The following RALYL variants were observed in gnomAD, a reference collection of about 807,000 sequenced individuals.
RALYL encodes RALY RNA binding protein like.
RALYL carries 29 observed loss-of-function variants against 35.1 expected under a neutral mutation model. The ratio of observed to expected loss-of-function variants is 0.83; its 90% CI spans 0.61 to 1.13. The LOEUF is 1.13. Among genes scored for constraint, RALYL ranks in the 50% most tolerant of loss-of-function variants. The pLI is 0.00. For synonymous variants in RALYL, 120 were observed against 127.6 expected, an observed-to-expected ratio of 0.94 and a Z score of 0.40; for missense variants, 359 against 360.4, an observed-to-expected ratio of 1.00 and a Z score of 0.03.
intron 1 of RALYL, among the ~76,000 whole-genome samples, chr8:84,437,584 G>T (rs2047880422): frequency 6.6e-6 from 1 of 152,018 alleles, no homozygotes; most frequent in Non-Finnish European, 1.5e-5. Flanking sequence ...TTGTGGTTTT[G>T]ATGTGCATTT....
intron 7 of RALYL, among the ~76,000 whole-genome samples, chr8:84,874,352 G>C (rs1004855253): frequency 5.3e-5 from 8 of 152,084 alleles, no homozygotes; most frequent in African/African-American, 9.7e-5. Flanking sequence ...GAAAACAAAG[G>C]CTCAGGAAAG....
intron 2 of RALYL, among the ~76,000 whole-genome samples, chr8:84,699,021 G>A (rs1157506729): frequency 6.6e-6 from 1 of 151,310 alleles, no homozygotes; most frequent in African/African-American, 2.4e-5. Context: ...TAGATAGATA[G>A]ATAGATAGAT....
In RALYL at chr8:84,842,856, G is replaced by A. The variant is rs186311489; in HGVS notation, c.366-7124G>A. Among the ~76,000 whole-genome samples the A allele has an allele frequency of 4.6e-5, 7 of 152,118 alleles. No individual in the cohort carries two copies. The South Asian group carries it at 6.2e-4, about 14-fold the overall frequency. On this transcript the variant is annotated intron_variant, in intron 4 of 8. Transcript: ENST00000521268. ...CGTTATCCAGCATATAAACAGAACCGATGGCAAAAACCTCATGATTATCTC... is the reference window on the plus strand; with the variant it reads ...CGTTATCCAGCATATAAACAGAACCAATGGCAAAAACCTCATGATTATCTC...
intron 2 of RALYL, among the ~76,000 whole-genome samples, chr8:84,622,590 T>A (rs1821785725): frequency 6.6e-6 from 1 of 151,820 alleles, no homozygotes; most frequent in Non-Finnish European, 1.5e-5. Context: ...CTCCACAGAG[T>A]CGAGGGGCAT....
At position 84,282,593 on chromosome 8, in the gene RALYL, C is replaced by G. The variant is rs554036900; in HGVS notation, c.-24+98169C>G. Among the ~76,000 whole-genome samples, 13 of 151,938 alleles carry G rather than the reference C, an allele frequency of 8.6e-5. No homozygotes were observed. In the South Asian group the frequency reaches 2.5e-3, roughly 29 times the overall value. ...AGACCCAGCCAAAATTTTGCAAGGTCCTGTTTATTCATTTGTTCTGCCCTT... is the reference window on the plus strand; with the variant it reads ...AGACCCAGCCAAAATTTTGCAAGGTGCTGTTTATTCATTTGTTCTGCCCTT... On this transcript the variant is annotated intron_variant, in intron 1 of 8. Coordinates refer to ENST00000521268, the MANE Select transcript of RALYL (RefSeq NM_173848.7).
intron 2 of RALYL, among the ~76,000 whole-genome samples, chr8:84,666,196 T>C (rs1423766304): frequency 2.0e-5 from 3 of 152,080 alleles, no homozygotes; most frequent in East Asian, 1.9e-4. Context: ...CACCATAACA[T>C]ATTTTTCATT....
chr8:84,211,587 C>T (rs1171834127), intron 1 of RALYL, among the ~76,000 whole-genome samples: 1 of 152,088 alleles, frequency 6.6e-6, no homozygotes, highest in Admixed American at 6.6e-5. Flanking sequence ...GTAAGAAGCT[C>T]TCTGTTCTAT....
intron 1 of RALYL, among the ~76,000 whole-genome samples, chr8:84,220,903 A>C (rs1382830307): frequency 6.6e-6 from 1 of 151,958 alleles, no homozygotes. Flanking sequence ...ATCTTAGTAA[A>C]CCTCACCAAA....
chr8:84,657,781 A>C (rs1830226593), intron 2 of RALYL, among the ~76,000 whole-genome samples: 1 of 152,204 alleles, frequency 6.6e-6, no homozygotes, highest in African/African-American at 2.4e-5. Context: ...ATGTTGCAAC[A>C]GGGCTACAGA....
intron 1 of RALYL, among the ~76,000 whole-genome samples, chr8:84,512,919 G>C (rs2057744385): frequency 6.6e-6 from 1 of 151,908 alleles, no homozygotes; most frequent in African/African-American, 2.4e-5. Context: ...ATGCTGTTTT[G>C]GTTATCATAG....
chr8:84,476,043 G>A (rs893485368), intron 1 of RALYL, among the ~76,000 whole-genome samples: 1 of 152,116 alleles, frequency 6.6e-6, no homozygotes, highest in African/African-American at 2.4e-5. Context: ...GGGATAAAAT[G>A]GTGAATGAAA....
At chr8:84,458,573 T>C (rs1031052991) in intron 1 of RALYL, among the ~76,000 whole-genome samples, 2 of 151,758 alleles carry the variant, frequency 1.3e-5, no homozygotes, top group Non-Finnish European at 3.0e-5. Flanking sequence ...CTTTCCTTTC[T>C]TTCTTCTTGA....
chr8:84,900,551 T>C (rs1245187426), intron 8 of RALYL, among the ~76,000 whole-genome samples: 2 of 152,002 alleles, frequency 1.3e-5, no homozygotes, highest in Non-Finnish European at 2.9e-5. Context: ...TGGTGGCACA[T>C]GCCTGTAATT....
chr8:84,583,184 G>T (rs1564186343), intron 2 of RALYL, among the ~76,000 whole-genome samples: 2 of 152,088 alleles, frequency 1.3e-5, no homozygotes, highest in Non-Finnish European at 2.9e-5. Context: ...TAGTCCTCTT[G>T]TCCTTCAGTG....
chr8:84,619,672 C>T (rs1463270287), intron 2 of RALYL, among the ~76,000 whole-genome samples: 1 of 151,024 alleles, frequency 6.6e-6, no homozygotes, highest in Non-Finnish European at 1.5e-5. Flanking sequence ...TTAGTTGATG[C>T]AGTTACTTCC....
intron 7 of RALYL, among the ~76,000 whole-genome samples, chr8:84,883,049 G>C (rs1468947519): frequency 6.6e-6 from 1 of 151,942 alleles, no homozygotes; most frequent in African/African-American, 2.4e-5. Context: ...CCATTGAGAT[G>C]ATGACAAAAG....
At chr8:84,369,908 G>A (rs1855338210) in intron 1 of RALYL, among the ~76,000 whole-genome samples, 2 of 152,010 alleles carry the variant, frequency 1.3e-5, no homozygotes, top group South Asian at 4.1e-4. Flanking sequence ...ACATCACTTT[G>A]GTGGCACAGT....
At chr8:84,424,402 A>G (rs1453555937) in intron 1 of RALYL, among the ~76,000 whole-genome samples, 2 of 105,602 alleles carry the variant, frequency 1.9e-5, no homozygotes, top group African/African-American at 9.0e-5. Flanking sequence ...CAGCTCCATC[A>G]GCTCCTTTAA....
intron 1 of RALYL, among the ~76,000 whole-genome samples, chr8:84,420,295 A>T (rs1312397459): frequency 6.6e-6 from 1 of 152,142 alleles, no homozygotes; most frequent in Non-Finnish European, 1.5e-5. Context: ...TCTGATGGCC[A>T]CTGATGATGA....
Sources: gnomAD v4.1 joint callset for allele counts (sites outside exome capture counted in the v4.1 genomes callset) on GRCh38, gnomAD v4.1.1 for gene constraint, MANE v1.5 for transcripts, NCBI Gene and HGNC (gene_info 2026-07-23, HGNC 2026-07-21) for gene names.